The following RSF1 variants were observed in gnomAD, a reference collection of about 807,000 sequenced individuals.
RSF1 encodes HBV pX-associated protein 8.
In RSF1, 13 loss-of-function variants were observed where a neutral mutation model predicts 145.2. The ratio of observed to expected loss-of-function variants is 0.09; its 90% CI spans 0.06 to 0.14. The LOEUF (loss-of-function observed/expected upper bound fraction) is 0.14. RSF1 is among the 10% of genes least tolerant of loss of function. RSF1 has a pLI of 1.00. For missense variants in RSF1, 1,517 were observed against 1,718.2 expected, an observed-to-expected ratio of 0.88 and a Z score of 2.07; for synonymous variants, 577 against 592.6, an observed-to-expected ratio of 0.97 and a Z score of 0.38.
intron 9 of RSF1, among the ~76,000 whole-genome samples, chr11:77,690,544 T>C (rs1278312733): frequency 6.6e-6 from 1 of 152,192 alleles, no homozygotes; most frequent in Non-Finnish European, 1.5e-5. Flanking sequence ...ACGATTCTCC[T>C]GCCTCAGCCT....
chr11:77,792,707 G>A (rs12803343), intron 1 of RSF1, among the ~76,000 whole-genome samples: 17,819 of 150,722 alleles, frequency 0.12, 1,446 homozygotes, highest in Non-Finnish European at 0.17. Flanking sequence ...TACCGGCCAG[G>A]AGAGAATGTA....
chr11:77,793,062 GAAAT>G (rs1424177786), intron 1 of RSF1, among the ~76,000 whole-genome samples: 3 of 152,028 alleles, frequency 2.0e-5, no homozygotes, highest in African/African-American at 7.2e-5. Flanking sequence ...AAAGAAGAAA[GAAAT>G]ACATACAACA....
chr11:77,834,989 A>C, the RSF1 span, among the ~76,000 whole-genome samples: 1 of 152,234 alleles, frequency 6.6e-6, no homozygotes, highest in African/African-American at 2.4e-5. Flanking sequence ...TTTATAAAAA[A>C]AGTAACAACA....
At chr11:77,847,892 G>A in the RSF1 span, among the ~76,000 whole-genome samples, 12 of 152,226 alleles carry the variant, frequency 7.9e-5, 1 homozygote, top group Middle Eastern at 6.8e-3. Flanking sequence ...GGAGCTGAAG[G>A]TTTAAATCCC....
intron 2 of RSF1, among the ~76,000 whole-genome samples, chr11:77,759,848 T>C (rs1192759067): frequency 8.3e-5 from 8 of 96,544 alleles, no homozygotes; most frequent in African/African-American, 3.3e-4. Flanking sequence ...TAAATGGTGA[T>C]GCATGTTAAA....
the RSF1 span, among the ~76,000 whole-genome samples, chr11:77,832,989 G>A: frequency 0.012 from 348 of 29,126 alleles, 34 homozygotes; most frequent in African/African-American, 0.081. Context: ...GTGTGTGTGT[G>A]TGTGTGTGTA....
At chr11:77,771,016 G>C (rs1482535590) in intron 1 of RSF1, among the ~76,000 whole-genome samples, 1 of 152,126 alleles carries the variant, frequency 6.6e-6, no homozygotes, top group Non-Finnish European at 1.5e-5. Flanking sequence ...GATGTCTCCA[G>C]CTCCAATCAG....
intron 5 of RSF1, among the ~76,000 whole-genome samples, chr11:77,706,956 T>G (rs541892720): frequency 1.3e-5 from 2 of 152,304 alleles, no homozygotes; most frequent in South Asian, 4.1e-4. Flanking sequence ...ACTCAATGTT[T>G]GCCAATATTA....
chr11:77,764,688 T>A lies in RSF1; in HGVS notation c.189A>T (p.Val63=), dbSNP rs2135938524. 1 of 1,575,004 alleles carries A rather than the reference T, an allele frequency of 6.3e-7. No individual in the cohort carries two copies. The highest frequency in any genetic ancestry group is 2.2e-5 in the East Asian group (1 of 44,478). ...APPPDVGNGE[V]PKELVELHLK... is the part of the protein sequence containing the mutation. ...AATGGAGCTCCACCAATTCTTTTGGTACTTAAAAGAAAGAAAAAAAATATC... is the reference window on the plus strand; with the variant it reads ...AATGGAGCTCCACCAATTCTTTTGGAACTTAAAAGAAAGAAAAAAAATATC... Residue 63 remains valine (V), a splice_region_variant and synonymous_variant, in exon 2 of 16, where the codon GTA becomes GTT. Coordinates refer to ENST00000308488, the MANE Select transcript of RSF1 (RefSeq NM_016578.4).
chr11:77,712,908 C>T (rs753665507), intron 5 of RSF1, among the ~76,000 whole-genome samples: 2 of 152,192 alleles, frequency 1.3e-5, no homozygotes, highest in Non-Finnish European at 2.9e-5. Flanking sequence ...TAATGATACG[C>T]CCAAATCCCT....
intron 15 of RSF1, among the ~76,000 whole-genome samples, chr11:77,671,444 T>C (rs1045870126): frequency 6.6e-6 from 1 of 151,480 alleles, no homozygotes; most frequent in Non-Finnish European, 1.5e-5. Flanking sequence ...GGGCCATGAA[T>C]AAGGGAGTAA....
At position 77,740,813 on chromosome 11, in the gene RSF1, G is replaced by C. The variant is rs1565166239; in HGVS notation, c.496C>G (p.Gln166Glu). 6.2e-7 allele frequency: 1 copy of C among 1,614,030 alleles called. No individual in the cohort carries two copies. The change falls in exon 4 of 16, where the codon CAA becomes GAA. Residue 166 changes from glutamine to glutamate, a missense_variant. Coordinates refer to ENST00000308488, the MANE Select transcript of RSF1 (RefSeq NM_016578.4). ...RDKDGLMYWYQLDQDHNVRMY... is the reference protein window; with the variant it reads ...RDKDGLMYWYELDQDHNVRMY... ...CTGACATTGTGATCTTGATCCAATT[G>C]GTACCAGTACATGAGGCCATCTTTG...
intron 3 of RSF1, among the ~76,000 whole-genome samples, chr11:77,746,087 G>C (rs1396958951): frequency 1.3e-5 from 2 of 151,996 alleles, no homozygotes; most frequent in Admixed American, 6.6e-5. Flanking sequence ...ATACATTATA[G>C]GAATGCACAA....
chr11:77,705,208 A>G (rs1415277743), intron 5 of RSF1, among the ~76,000 whole-genome samples: 1 of 152,234 alleles, frequency 6.6e-6, no homozygotes, highest in Non-Finnish European at 1.5e-5. Context: ...TCAGTTACAC[A>G]AGCATTTTCC....
chr11:77,759,404 G>T (rs1948148254), intron 2 of RSF1, among the ~76,000 whole-genome samples: 1 of 152,004 alleles, frequency 6.6e-6, no homozygotes, highest in South Asian at 2.1e-4. Context: ...TGCTAAGGCT[G>T]GGCGTAGCGG....
At chr11:77,680,231 G>A (rs1312325002) in intron 11 of RSF1, among the ~76,000 whole-genome samples, 1 of 152,064 alleles carries the variant, frequency 6.6e-6, no homozygotes, top group Admixed American at 6.6e-5. Flanking sequence ...CCAGGAGGTT[G>A]AGACCAATCT....
chr11:77,752,943 A>T (rs760034250), intron 2 of RSF1, among the ~76,000 whole-genome samples: 34 of 152,194 alleles, frequency 2.2e-4, no homozygotes, highest in Non-Finnish European at 4.6e-4. Context: ...CCTCACTGCT[A>T]CATTCCCACC....
intron 1 of RSF1, among the ~76,000 whole-genome samples, chr11:77,765,146 A>G (rs1046498486): frequency 2.0e-5 from 3 of 150,860 alleles, no homozygotes; most frequent in Non-Finnish European, 4.4e-5. Context: ...AAAAAAAAAA[A>G]CCATCAAGTA....
At position 77,683,752 on chromosome 11, in the gene RSF1, A is replaced by T; in HGVS notation, c.3023T>A (p.Leu1008His). Residue 1008 changes from leucine to histidine, a missense_variant, in exon 11 of 16, where the codon CTT becomes CAT. Physicochemically the swap from Leu to His is moderately conservative, Grantham distance 99 (BLOSUM62 -3). This residue lies in a region of RSF1 where 231 missense variants were observed against 276.6 expected (regional missense o/e 0.84). Transcript: ENST00000308488. ...CCTTGTTCTTGTTGACCTCCTTTCAAGCAAGTTTGCTTTGGATTTTTTTGA... is the reference window on the plus strand; with the variant it reads ...CCTTGTTCTTGTTGACCTCCTTTCATGCAAGTTTGCTTTGGATTTTTTTGA... ...KDSKKSKANL[L>H]ERRSTRTRKC... 6.2e-7 allele frequency: 1 copy of T among 1,613,408 alleles called. No homozygotes were observed. Among genetic ancestry groups the T allele is most frequent in the Non-Finnish European group, 8.5e-7 (1 of 1,179,880 alleles).
Sources: allele counts gnomAD v4.1 joint callset (sites outside exome capture counted in the v4.1 genomes callset), GRCh38; gene constraint gnomAD v4.1.1; regional missense constraint gnomAD v4.1.1; transcripts MANE v1.5; gene names NCBI Gene and HGNC (gene_info 2026-07-23, HGNC 2026-07-21).